Variants in FBXO11 observed in about 807,000 individuals in gnomAD.
FBXO11 encodes F-box protein 11.
A neutral mutation model predicts 117.0 loss-of-function variants in FBXO11; 13 were observed. That is an observed-to-expected ratio of 0.11 (90% confidence interval 0.07 to 0.18). The LOEUF (loss-of-function observed/expected upper bound fraction) is 0.18, where lower values mean the gene tolerates loss of function less well. Ranked by LOEUF, FBXO11 falls within the 10% of genes least tolerant of loss-of-function variation. The pLI is 1.00. For synonymous variants in FBXO11, 490 were observed against 380.5 expected (o/e 1.29, Z -3.35); for missense variants, 767 against 1,164.4 (o/e 0.66, Z 4.97).
intron 1 of FBXO11, among the ~76,000 whole-genome samples, chr2:47,881,193 A>C (rs1366560839): frequency 6.6e-6 from 1 of 152,226 alleles, no homozygotes; most frequent in Non-Finnish European, 1.5e-5. Flanking sequence ...CGGAGGTTGC[A>C]GTGAGCCAAG....
At chr2:47,862,703 C>T (rs1469915673) in intron 1 of FBXO11, among the ~76,000 whole-genome samples, 1 of 152,146 alleles carries the variant, frequency 6.6e-6, no homozygotes, top group Non-Finnish European at 1.5e-5. Context: ...TACATAAATG[C>T]TGTATAATAA....
At chr2:47,813,446 T>TTTTTTTTTTTTTTTTTTTTA (rs1371761817) in intron 17 of FBXO11, 69 bp from the exon 18 acceptor site, 1 of 991,688 alleles carries the variant, frequency 1.0e-6, no homozygotes, top group Non-Finnish European at 1.4e-6. Flanking sequence ...TTTTTTTTTT[T>TTTTTTTTTTTTTTTTTTTTA]TTGAGACAGA....
intron 1 of FBXO11, among the ~76,000 whole-genome samples, chr2:47,885,800 T>G (rs750965715): frequency 6.6e-6 from 1 of 152,226 alleles, no homozygotes; most frequent in Non-Finnish European, 1.5e-5. Flanking sequence ...AATTCTGTCC[T>G]GATAAATCTT....
chr2:47,809,499 T>TAACTTGGAGAGTGACATAAG, intron 20 of FBXO11, 101 bp downstream of exon 20: 1 of 869,704 alleles, frequency 1.1e-6, no homozygotes, highest in Non-Finnish European at 1.8e-6. Flanking sequence ...AAACTGTTGC[T>TAACTTGGAGAGTGACATAAG]AACTTGGAGA....
At chr2:47,817,156 A>T (rs1671062651) in intron 16 of FBXO11, among the ~76,000 whole-genome samples, 1 of 152,214 alleles carries the variant, frequency 6.6e-6, no homozygotes, top group Admixed American at 6.5e-5. Context: ...CTATCTCAGC[A>T]TTTGCTGCTC....
At position 47,839,784 on chromosome 2, in the gene FBXO11, A is replaced by T; in HGVS notation, c.233-15T>A. 1 of 1,593,648 alleles carries T rather than the reference A, an allele frequency of 6.3e-7. No homozygotes were observed. The highest frequency in any genetic ancestry group is 8.5e-7 in the Non-Finnish European group (1 of 1,174,704). On this transcript the variant is annotated splice_polypyrimidine_tract_variant and intron_variant, in intron 1 of 22. Transcript: ENST00000403359. ...CACATCATCATCTGTTATAAACAAA[A>T]GCAATAAGAAAAATTATACCCTTTT...
intron 1 of FBXO11, among the ~76,000 whole-genome samples, chr2:47,860,980 G>C (rs912674546): frequency 6.6e-6 from 1 of 151,686 alleles, no homozygotes; most frequent in Non-Finnish European, 1.5e-5. Context: ...TGGAGTAGCT[G>C]GGTTTGCATT....
chr2:47,823,604 T>C (rs1671536217), intron 11 of FBXO11, among the ~76,000 whole-genome samples: 1 of 151,612 alleles, frequency 6.6e-6, no homozygotes, highest in Admixed American at 6.6e-5. Context: ...AATACAAAAA[T>C]TAGCTGGGTG....
chr2:47,870,748 G>A (rs1675563768), intron 1 of FBXO11, among the ~76,000 whole-genome samples: 2 of 152,196 alleles, frequency 1.3e-5, no homozygotes, highest in South Asian at 4.1e-4. Flanking sequence ...GGTAGCACTA[G>A]AAAAGCTAGT....
chr2:47,808,803 C>G lies in FBXO11; in HGVS notation c.2555+355G>C. 1.1e-5 allele frequency: 3 copies of G among 262,586 alleles called. No homozygotes were observed. The South Asian group carries it at 2.8e-4, about 25-fold the overall frequency. 16.3% of individuals were successfully genotyped at this position (262,586 alleles called of 1,614,324 possible). On this transcript the variant is annotated intron_variant, in intron 21 of 22. Coordinates refer to ENST00000403359, the MANE Select transcript of FBXO11 (RefSeq NM_001190274.2). ...TTGAAATTTCTAGGAAAACATTACA[C>G]AACATGAGTTACATGAATGACATCA...
intron 20 of FBXO11, 145 bp downstream of exon 20, chr2:47,809,455 G>A: frequency 2.8e-6 from 2 of 708,962 alleles, no homozygotes; most frequent in Non-Finnish European, 2.3e-6. Context: ...CAACCATTTA[G>A]AACCAAAGCT....
chr2:47,902,328 T>A (rs997738312), intron 1 of FBXO11, among the ~76,000 whole-genome samples: 1 of 152,226 alleles, frequency 6.6e-6, no homozygotes, highest in Non-Finnish European at 1.5e-5. Flanking sequence ...AGTCTTAGGA[T>A]AGCTGATCAT....
intron 1 of FBXO11, among the ~76,000 whole-genome samples, chr2:47,867,554 T>C (rs1675287937): frequency 6.6e-6 from 1 of 152,180 alleles, no homozygotes; most frequent in African/African-American, 2.4e-5. Flanking sequence ...TAAGTCCCAG[T>C]CTAACGACAC....
At chr2:47,823,717 C>A (rs1378996744) in intron 11 of FBXO11, among the ~76,000 whole-genome samples, 4 of 151,834 alleles carry the variant, frequency 2.6e-5, no homozygotes, top group Non-Finnish European at 4.4e-5. Context: ...TGCGCCACTG[C>A]ACTCCAGCCT....
At position 47,807,974 on chromosome 2, in the gene FBXO11, G is replaced by A. The variant is rs1385919520; in HGVS notation, c.*144C>T. ...TGCCACTTTCTTTTTGGTAGCTTGA[G>A]CTTCATAGTGTCAACTGACCTTGTG... On this transcript the variant is annotated 3_prime_UTR_variant, in exon 23 of 23. Transcript: ENST00000403359. 3.4e-5 allele frequency: 25 copies of A among 728,052 alleles called. No homozygotes were observed. In the Admixed American group the frequency reaches 6.2e-4, roughly 18 times the overall value. The allele number at this position is 728,052 out of a possible 1,614,324, so 45.1% of individuals were successfully genotyped here.
At chr2:47,883,224 T>A (rs1676565464) in intron 1 of FBXO11, among the ~76,000 whole-genome samples, 1 of 152,192 alleles carries the variant, frequency 6.6e-6, no homozygotes, top group Admixed American at 6.5e-5. Flanking sequence ...CGTAACAGAA[T>A]AAACTGAATT....
chr2:47,875,125 G>A (rs1227927699), intron 1 of FBXO11, among the ~76,000 whole-genome samples: 1 of 151,902 alleles, frequency 6.6e-6, no homozygotes, highest in African/African-American at 2.4e-5. Flanking sequence ...TTTCCACAAC[G>A]ATGACAATGT....
At chr2:47,870,043 C>A (rs1675507727) in intron 1 of FBXO11, among the ~76,000 whole-genome samples, 1 of 152,170 alleles carries the variant, frequency 6.6e-6, no homozygotes, top group Non-Finnish European at 1.5e-5. Flanking sequence ...GGGCCTTATC[C>A]ATTCAGTGGA....
chr2:47,895,088 C>CT (rs1677556083), intron 1 of FBXO11, among the ~76,000 whole-genome samples: 1 of 152,060 alleles, frequency 6.6e-6, no homozygotes, highest in Non-Finnish European at 1.5e-5. Flanking sequence ...GAAATTTTGT[C>CT]TTTGAGAAAA....
Sources: gnomAD v4.1 joint callset for allele counts (sites outside exome capture counted in the v4.1 genomes callset) on GRCh38, gnomAD v4.1.1 for gene constraint, MANE v1.5 for transcripts, NCBI Gene and HGNC (gene_info 2026-07-23, HGNC 2026-07-21) for gene names.